The following NUP153 variants were observed in gnomAD, a reference collection of about 807,000 sequenced individuals.
NUP153 encodes nuclear pore complex protein Nup153.
Under a neutral mutation model 134.6 loss-of-function variants are expected in NUP153, and 27 were observed. The observed-to-expected ratio is 0.20, with a 90% CI of 0.15 to 0.28. NUP153 has a LOEUF of 0.28. Among genes scored for constraint, NUP153 ranks in the 10% least tolerant of loss-of-function variants. The probability of loss-of-function intolerance (pLI) is 1.00; values close to 1 mark genes in which losing one functional copy is unlikely to be tolerated. For synonymous variants in NUP153, 640 were observed against 623.5 expected, an observed-to-expected ratio of 1.03 and a Z score of -0.40; for missense variants, 1,821 against 1,731.3, an observed-to-expected ratio of 1.05 and a Z score of -0.92.
chr6:17,691,947 G>A (rs1318701912), intron 1 of NUP153, among the ~76,000 whole-genome samples: 2 of 152,092 alleles, frequency 1.3e-5, no homozygotes, highest in Non-Finnish European at 2.9e-5. Flanking sequence ...ACTACAGGCC[G>A]ACTACCACAT....
intron 12 of NUP153, among the ~76,000 whole-genome samples, chr6:17,648,877 G>A (rs1317566503): frequency 6.6e-6 from 1 of 151,900 alleles, no homozygotes; most frequent in East Asian, 1.9e-4. Context: ...AACATTGAGT[G>A]CACTCCTACC....
intron 11 of NUP153, among the ~76,000 whole-genome samples, chr6:17,656,251 A>G (rs1766817199): frequency 6.6e-6 from 1 of 152,178 alleles, no homozygotes; most frequent in African/African-American, 2.4e-5. Flanking sequence ...TGTGGGGCCA[A>G]CATCACATTA....
rs566888138 is a variant in NUP153, at chr6:17,695,144, A to G, written c.112-6526T>C. ...AACTTAAAATAGCTTTAAATCTCACAAAATTCCCTTTAAATTGTGTGCATA... is the reference window on the plus strand; with the variant it reads ...AACTTAAAATAGCTTTAAATCTCACGAAATTCCCTTTAAATTGTGTGCATA... On this transcript the variant is annotated intron_variant, in intron 1 of 21. Transcript: ENST00000262077. Among the ~76,000 whole-genome samples the G allele has an allele frequency of 2.6e-5, 4 of 152,334 alleles. No homozygotes were observed. In the Middle Eastern group the frequency reaches 0.014, roughly 518 times the overall value.
intron 16 of NUP153, among the ~76,000 whole-genome samples, chr6:17,634,390 A>G (rs776396529): frequency 1.3e-4 from 19 of 151,436 alleles, no homozygotes; most frequent in Non-Finnish European, 2.4e-4. Flanking sequence ...TGGATTAATG[A>G]CCCCAAATCC....
chr6:17,634,098 G>A (rs1473953933), intron 16 of NUP153, among the ~76,000 whole-genome samples: 1 of 151,750 alleles, frequency 6.6e-6, no homozygotes, highest in Non-Finnish European at 1.5e-5. Flanking sequence ...TGCTATTCTG[G>A]TTCATGAACC....
chr6:17,696,537 C>A (rs567034588), intron 1 of NUP153, among the ~76,000 whole-genome samples: 1 of 152,212 alleles, frequency 6.6e-6, no homozygotes, highest in South Asian at 2.1e-4. Flanking sequence ...GGGTGGATCA[C>A]AAGGTCAGGA....
chr6:17,629,020 A>G lies in NUP153; in HGVS notation c.3179T>C (p.Val1060Ala). ...LGTIETKSASVAPFTCKTSEA... is the reference protein window; with the variant it reads ...LGTIETKSASAAPFTCKTSEA... ...TGATGTCTTACATGTGAAAGGAGCC[A>G]CTGAAGCACTCTTGGTTTCTATGGT... The change falls in exon 18 of 22, where the codon GTG (valine) becomes GCG (alanine). Residue 1060 changes from valine (V) to alanine (A), a missense_variant. Physicochemically the swap from Val to Ala is moderately conservative, Grantham distance 64. Transcript: ENST00000262077. 6.2e-7 allele frequency: 1 copy of G among 1,614,184 alleles called. No homozygotes were observed. Among genetic ancestry groups the G allele is most frequent in the Non-Finnish European group, 8.5e-7 (1 of 1,180,026 alleles).
In NUP153 at chr6:17,625,687, G is replaced by A. The variant is rs990665234; in HGVS notation, c.3901+121C>T. 1 of 750,586 alleles carries A rather than the reference G, an allele frequency of 1.3e-6. No individual in the cohort carries two copies. The highest frequency in any genetic ancestry group is 2.5e-5 in the East Asian group (1 of 40,144). 46.5% of individuals were successfully genotyped at this position (750,586 alleles called of 1,614,324 possible). ...GAATAATTAAAACAACCCTGGTATA[G>A]ATGACCAAAAGGCATTCCCACCATT... On this transcript the variant is annotated intron_variant, in intron 19 of 21. Transcript: ENST00000262077. The surrounding 1 kb of genome is among the most constrained non-coding windows in gnomAD (Gnocchi z 4.7).
rs182220794 is a variant in NUP153, at chr6:17,703,044, A to C, written c.111+3233T>G. ...GGCGAAATCCCGTCTCTAAAAATAC[A>C]AAAATTAGCCGGGCGTGGTGGCGCA... On this transcript the variant is annotated intron_variant, in intron 1 of 21. Coordinates refer to ENST00000262077, the MANE Select transcript of NUP153 (RefSeq NM_005124.4). Among the ~76,000 whole-genome samples, 328 of 125,632 alleles carry C rather than the reference A, an allele frequency of 2.6e-3. 2 individuals are homozygous for C. Among genetic ancestry groups the C allele is most frequent in the Non-Finnish European group, 4.9e-3 (270 of 55,206 alleles). 82.4% of individuals were successfully genotyped at this position (125,632 alleles called of 152,430 possible). A position where few individuals can be genotyped will look rare whatever the true frequency, so the allele number is the denominator to read the frequency against.
In NUP153 at chr6:17,625,853, T is replaced by C. The variant is rs752891945; in HGVS notation, c.3856A>G (p.Thr1286Ala). Residue 1286 changes from threonine to alanine, a missense_variant, in exon 19 of 22, where the codon ACC becomes GCC. Transcript: ENST00000262077. This position sits in a 1 kb window ranked among gnomAD's most constrained non-coding sequence, Gnocchi z 4.7. ...GPGASSNNTT[T>A]SGFGFGATTT... ...GTGGCTCCAAAGCCGAAACCAGAGG[T>C]GGTAGTATTATTACTGCTGGCTCCT... The C allele has an allele frequency of 6.2e-7, 1 of 1,614,072 alleles. No homozygotes were observed. The highest frequency in any genetic ancestry group is 8.5e-7 in the Non-Finnish European group (1 of 1,180,000).
At chr6:17,624,903 AAAC>A in intron 19 of NUP153, 70 bp from the exon 20 acceptor site, 3 of 1,417,722 alleles carry the variant, frequency 2.1e-6, no homozygotes, top group Non-Finnish European at 2.8e-6. Flanking sequence ...AAATTTCTGT[AAAC>A]CCACAAGCAA....
At chr6:17,621,024 A>C (rs1764618776) in intron 20 of NUP153, among the ~76,000 whole-genome samples, 1 of 152,182 alleles carries the variant, frequency 6.6e-6, no homozygotes, top group African/African-American at 2.4e-5. Flanking sequence ...CAAAACAAAA[A>C]CAACCAAATA....
Position 17,679,533 on chromosome 6 carries a change from A to T in NUP153, c.335-3763T>A, listed in dbSNP as rs577585551. Among the ~76,000 whole-genome samples the T allele has an allele frequency of 1.1e-3, 160 of 152,328 alleles. 1 individual carries two copies. The Middle Eastern group carries it at 0.014, about 13-fold the overall frequency. On this transcript the variant is annotated intron_variant, in intron 2 of 21. Coordinates refer to ENST00000262077, the MANE Select transcript of NUP153 (RefSeq NM_005124.4). ...AAACCCATCCTAAAATTCATATGGA[A>T]TCTCAAGGAACCTCAAAATGCCAAA... is the stretch of plus-strand genomic sequence containing the variant.
At chr6:17,691,841 C>A (rs935456288) in intron 1 of NUP153, among the ~76,000 whole-genome samples, 1 of 151,966 alleles carries the variant, frequency 6.6e-6, no homozygotes, top group Non-Finnish European at 1.5e-5. Context: ...TTTCCAGAGA[C>A]CTGTGTCATA....
intron 2 of NUP153, among the ~76,000 whole-genome samples, chr6:17,687,211 T>C (rs989908656): frequency 1.3e-5 from 2 of 152,194 alleles, no homozygotes; most frequent in African/African-American, 2.4e-5. Context: ...CTCATTAGGA[T>C]AGAAAAGATC....
At chr6:17,623,991 A>G (rs1191993320) in intron 20 of NUP153, among the ~76,000 whole-genome samples, 1 of 152,176 alleles carries the variant, frequency 6.6e-6, no homozygotes, top group African/African-American at 2.4e-5. Flanking sequence ...TCAATATTAC[A>G]CTGTTCACTT....
At chr6:17,678,352 CAAAAAAAA>C (rs11428582) in intron 2 of NUP153, among the ~76,000 whole-genome samples, 2 of 68,236 alleles carry the variant, frequency 2.9e-5, no homozygotes, top group African/African-American at 6.4e-5. Context: ...CCCTCTGTCT[CAAAAAAAA>C]AAAAAAAAAA....
chr6:17,624,461 A>G, intron 20 of NUP153, 100 bp downstream of exon 20: 2 of 1,153,824 alleles, frequency 1.7e-6, no homozygotes, highest in Non-Finnish European at 1.2e-6. Flanking sequence ...ACAAGAGATA[A>G]TTTTAAAATT....
rs191902106 is a variant in NUP153 at position 17,618,768 on chromosome 6, G to A, written c.4175-2073C>T. Among the ~76,000 whole-genome samples the A allele has an allele frequency of 3.0e-3, 455 of 152,184 alleles. 1 individual carries two copies. The highest frequency in any genetic ancestry group is 4.8e-3 in the African/African-American group (201 of 41,526). ...TTCTTAGTAGAGATGGGGTTTCACC[G>A]TGTTAGCCAGGATGGTCTCGATATC... On this transcript the variant is annotated intron_variant, in intron 20 of 21. Transcript: ENST00000262077.
Sources: allele counts gnomAD v4.1 joint callset (sites outside exome capture counted in the v4.1 genomes callset), GRCh38; gene constraint gnomAD v4.1.1; non-coding constraint Gnocchi (gnomAD v3.1); transcripts MANE v1.5; gene names NCBI Gene and HGNC (gene_info 2026-07-23, HGNC 2026-07-21).